The following SP140 variants were observed in gnomAD, a reference collection of about 807,000 sequenced individuals.
The protein encoded by SP140 is SP140 nuclear body protein.
Under a neutral mutation model 125.0 loss-of-function variants are expected in SP140, and 81 were observed. The observed-to-expected ratio is 0.65, with a 90% CI of 0.54 to 0.78. SP140 has a LOEUF of 0.78. SP140 is among the 30% of genes least tolerant of loss of function. The probability of loss-of-function intolerance (pLI) is 0.00; values close to 1 mark genes in which losing one functional copy is unlikely to be tolerated. For synonymous variants in SP140, 312 were observed against 354.0 expected, an observed-to-expected ratio of 0.88 and a Z score of 1.33; for missense variants, 858 against 1,037.0, an observed-to-expected ratio of 0.83 and a Z score of 2.37.
upstream of SP140, among the ~76,000 whole-genome samples, chr2:230,221,275 C>T (rs1032394476): frequency 4.3e-5 from 6 of 138,668 alleles, no homozygotes; most frequent in East Asian, 2.2e-4. Flanking sequence ...AGCAAGACTC[C>T]ATCTCGAAAA....
chr2:230,282,255 G>C (rs2055680262), intron 15 of SP140, among the ~76,000 whole-genome samples: 1 of 152,096 alleles, frequency 6.6e-6, no homozygotes, highest in African/African-American at 2.4e-5. Context: ...CTTTATACTG[G>C]TCAGGGATAC....
upstream of SP140, chr2:230,221,603 C>T: frequency 9.0e-7 from 1 of 1,113,186 alleles, no homozygotes; most frequent in Non-Finnish European, 1.3e-6. Flanking sequence ...GGAGAGGGTG[C>T]ATTGATGCCT....
At chr2:230,295,417 C>T (rs564743389) in intron 21 of SP140, among the ~76,000 whole-genome samples, 3 of 152,354 alleles carry the variant, frequency 2.0e-5, no homozygotes, top group African/African-American at 7.2e-5. Flanking sequence ...AGTGACTACA[C>T]TAAAGACCAG....
chr2:230,198,449 GTTCCTCTTTCTC>G (rs2042977970), upstream of SP140, among the ~76,000 whole-genome samples: 1 of 152,174 alleles, frequency 6.6e-6, no homozygotes, highest in African/African-American at 2.4e-5. Context: ...ACTGCTAGTT[GTTCCTCTTTCTC>G]TGGTCTCCCT....
chr2:230,252,266 G>A (rs1380412352), intron 10 of SP140, among the ~76,000 whole-genome samples: 3 of 152,022 alleles, frequency 2.0e-5, no homozygotes, highest in Admixed American at 6.6e-5. Context: ...GATATTCAGG[G>A]AGAGATGTTT....
At chr2:230,224,055 G>C (rs1390677970), upstream of SP140, among the ~76,000 whole-genome samples, 1 of 152,184 alleles carries the variant, frequency 6.6e-6, no homozygotes, top group Non-Finnish European at 1.5e-5. Flanking sequence ...TGAGCATAGG[G>C]AAAAACAAGA....
chr2:230,262,604 T>G (rs2149304834), intron 12 of SP140, among the ~76,000 whole-genome samples: 1 of 152,308 alleles, frequency 6.6e-6, no homozygotes, highest in South Asian at 2.1e-4. Context: ...AACTTTCCTC[T>G]TAGCACCGCC....
chr2:230,270,051 A>G (rs777234516), intron 14 of SP140, 98 bp downstream of exon 14: 12 of 766,660 alleles, frequency 1.6e-5, no homozygotes, highest in African/African-American at 3.5e-5. Context: ...CCAGAATTCT[A>G]TTCTCCGCAT....
At chr2:230,269,651 A>G (rs2053629837) in intron 13 of SP140, 33 bp downstream of exon 13, 6 of 1,319,526 alleles carry the variant, frequency 4.5e-6, no homozygotes, top group Middle Eastern at 1.9e-4. Context: ...GAAAACAGAA[A>G]CAGAGTTCTG....
intron 1 of SP140, among the ~76,000 whole-genome samples, chr2:230,209,227 G>T (rs558277786): frequency 6.2e-4 from 94 of 152,266 alleles, no homozygotes; most frequent in African/African-American, 2.2e-3. Flanking sequence ...TCTATAGCTT[G>T]CCTTTGGGTA....
chr2:230,255,438 C>G lies in SP140; in HGVS notation c.1160-14C>G. The G allele has an allele frequency of 6.2e-7, 1 of 1,613,734 alleles. No individual in the cohort carries two copies. Among genetic ancestry groups the G allele is most frequent in the Non-Finnish European group, 8.5e-7 (1 of 1,179,736 alleles). ...TATACTGAGACCTCTGAGGGATTTC[C>G]TTCCTTTCTGCAGAGGGCAGTGATG... On this transcript the variant is annotated splice_polypyrimidine_tract_variant and intron_variant, in intron 11 of 26. Coordinates refer to ENST00000392045, the MANE Select transcript of SP140 (RefSeq NM_007237.5).
At chr2:230,240,126 C>T (rs781181930) in intron 3 of SP140, among the ~76,000 whole-genome samples, 9 of 152,108 alleles carry the variant, frequency 5.9e-5, no homozygotes, top group Admixed American at 1.3e-4. Flanking sequence ...AAAAAATAAA[C>T]CTCTACTTAT....
In SP140 at chr2:230,205,598, T is replaced by TA. The variant is rs35825596; in HGVS notation, c.-323+2329dup. On this transcript the variant is annotated intron_variant, in intron 1 of 4. Transcript: ENST00000456542. ...TGCTTACTTTCTTACTTTCTCTCTTTAAAAAAAAAATCTGTCTTCAGCTTT... is the reference window on the plus strand; with the variant it reads ...TGCTTACTTTCTTACTTTCTCTCTTTAAAAAAAAAAATCTGTCTTCAGCTTT... Among the ~76,000 whole-genome samples, 22 of 150,788 alleles carry TA rather than the reference T, an allele frequency of 1.5e-4. 1 individual carries two copies. Among genetic ancestry groups the TA allele is most frequent in the Admixed American group, 3.3e-4 (5 of 15,124 alleles).
chr2:230,292,439 A>G (rs1489523861), intron 19 of SP140, among the ~76,000 whole-genome samples: 1 of 152,242 alleles, frequency 6.6e-6, no homozygotes, highest in Non-Finnish European at 1.5e-5. Flanking sequence ...TGAAGGTCAA[A>G]GAAATGTGCA....
downstream of SP140, among the ~76,000 whole-genome samples, chr2:230,313,825 G>T (rs2059460871): frequency 6.6e-6 from 1 of 152,212 alleles, no homozygotes; most frequent in Non-Finnish European, 1.5e-5. Flanking sequence ...TAAATTGGAA[G>T]AGCTGCAGGT....
At chr2:230,271,454 C>T (rs555079517) in intron 15 of SP140, among the ~76,000 whole-genome samples, 1 of 152,230 alleles carries the variant, frequency 6.6e-6, no homozygotes, top group Admixed American at 6.5e-5. Flanking sequence ...TAGAGAAAAC[C>T]TGGATCATCA....
chr2:230,194,187 T>C, the SP140 span, among the ~76,000 whole-genome samples: 1 of 152,078 alleles, frequency 6.6e-6, no homozygotes, highest in African/African-American at 2.4e-5. Context: ...TCCTAATTCA[T>C]GTTTGGGAGC....
chr2:230,254,350 A>G (rs1360607624), intron 11 of SP140, among the ~76,000 whole-genome samples: 1 of 152,150 alleles, frequency 6.6e-6, no homozygotes, highest in Non-Finnish European at 1.5e-5. Context: ...TTCTAGGTAG[A>G]GAGTGACACA....
Position 230,237,182 on chromosome 2 carries a change from T to C in SP140, c.159T>C (p.Ile53=), listed in dbSNP as rs764415291. The change falls in exon 2 of 27, where the codon ATT becomes ATC. Residue 53 remains isoleucine, a synonymous_variant. Transcript: ENST00000392045. The surrounding 1 kb of genome is among the most constrained non-coding windows in gnomAD (Gnocchi z 5.4). ...FRFFRENKVE[I]ASAITRPFPF... ...TCTTCAGAGAAAACAAGGTGGAGATTGCAAGTGCAATAACAAGGCCATTTC... is the reference window on the plus strand; with the variant it reads ...TCTTCAGAGAAAACAAGGTGGAGATCGCAAGTGCAATAACAAGGCCATTTC... 17 of 1,613,668 alleles carry C rather than the reference T, an allele frequency of 1.1e-5. No individual in the cohort carries two copies. The South Asian group carries it at 1.9e-4, about 18-fold the overall frequency.
Sources: allele counts gnomAD v4.1 joint callset (sites outside exome capture counted in the v4.1 genomes callset), GRCh38; gene constraint gnomAD v4.1.1; non-coding constraint Gnocchi (gnomAD v3.1); transcripts MANE v1.5; gene names NCBI Gene and HGNC (gene_info 2026-07-23, HGNC 2026-07-21).